TMTC2: variants seen among roughly 807,000 people sequenced by gnomAD.
TMTC2 encodes transmembrane O-mannosyltransferase targeting cadherins 2.
TMTC2 carries 43 observed loss-of-function variants against 82.4 expected under a neutral mutation model. The ratio of observed to expected loss-of-function variants is 0.52; its 90% confidence interval spans 0.41 to 0.67. The LOEUF (loss-of-function observed/expected upper bound fraction) is 0.67. Ranked by LOEUF, TMTC2 falls within the 30% of genes least tolerant of loss-of-function variation. The pLI, the probability that TMTC2 is intolerant of heterozygous loss-of-function variation, is 0.00. For synonymous variants in TMTC2, 408 were observed against 381.9 expected (o/e 1.07, Z -0.80); for missense variants, 919 against 1,012.4 (o/e 0.91, Z 1.25).
intron 3 of TMTC2, among the ~76,000 whole-genome samples, chr12:82,924,996 C>G (rs1485274993): frequency 6.6e-6 from 1 of 152,120 alleles, no homozygotes; most frequent in Non-Finnish European, 1.5e-5. Flanking sequence ...TGCAGCCACT[C>G]AACTGACTGG....
chr12:82,931,102 G>T, intron 4 of TMTC2, among the ~76,000 whole-genome samples: 1 of 151,996 alleles, frequency 6.6e-6, no homozygotes, highest in East Asian at 1.9e-4. Flanking sequence ...TAGAGATGTG[G>T]ACTCACTATA....
At chr12:83,032,858 GC>G (rs1192563702) in intron 9 of TMTC2, among the ~76,000 whole-genome samples, 2 of 152,118 alleles carry the variant, frequency 1.3e-5, no homozygotes, top group Non-Finnish European at 2.9e-5. Context: ...ACTGCGCCCA[GC>G]CTACAAACTT....
At chr12:82,856,057 T>C (rs1197344260) in intron 1 of TMTC2, among the ~76,000 whole-genome samples, 1 of 152,176 alleles carries the variant, frequency 6.6e-6, no homozygotes, top group Non-Finnish European at 1.5e-5. Context: ...AACCACAAAC[T>C]TTCTCACTTG....
At chr12:82,789,271 T>C (rs1305483760) in intron 1 of TMTC2, among the ~76,000 whole-genome samples, 1 of 152,082 alleles carries the variant, frequency 6.6e-6, no homozygotes, top group East Asian at 1.9e-4. Context: ...CATCTAGAAC[T>C]GTGTCAGGGG....
chr12:82,728,878 C>G (rs1386681809), intron 1 of TMTC2, among the ~76,000 whole-genome samples: 1 of 152,218 alleles, frequency 6.6e-6, no homozygotes, highest in Non-Finnish European at 1.5e-5. Flanking sequence ...CCAGCCAGCC[C>G]GCTGCACTGG....
At chr12:82,736,420 A>G (rs1410588590) in intron 1 of TMTC2, among the ~76,000 whole-genome samples, 2 of 152,178 alleles carry the variant, frequency 1.3e-5, no homozygotes, top group African/African-American at 2.4e-5. Flanking sequence ...TCATGTTCAT[A>G]TAGTAACACA....
At chr12:82,894,719 T>G (rs1880799406) in intron 2 of TMTC2, among the ~76,000 whole-genome samples, 1 of 152,206 alleles carries the variant, frequency 6.6e-6, no homozygotes, top group Admixed American at 6.5e-5. Flanking sequence ...AAAATTAGCC[T>G]TAACATGATG....
At chr12:82,865,934 G>A (rs1871826373) in intron 2 of TMTC2, among the ~76,000 whole-genome samples, 1 of 152,116 alleles carries the variant, frequency 6.6e-6, no homozygotes, top group Non-Finnish European at 1.5e-5. Flanking sequence ...CGAAATGAAG[G>A]CAGAAATAAA....
chr12:82,896,514 C>T lies in TMTC2; in HGVS notation c.1351C>T (p.Leu451Phe). 1 of 1,614,170 alleles carries T rather than the reference C, an allele frequency of 6.2e-7. No individual in the cohort carries two copies. The highest frequency in any genetic ancestry group is 8.5e-7 in the Non-Finnish European group (1 of 1,180,040). Residue 451 changes from leucine (L) to phenylalanine (F), a missense_variant, in exon 3 of 12, where the codon CTC (leucine) becomes TTC (phenylalanine). By Grantham distance (22) the Leu-to-Phe change is conservative (BLOSUM62 0). Coordinates refer to ENST00000321196, the MANE Select transcript of TMTC2 (RefSeq NM_152588.3). ...TTATGTCAAAGTCCAAAAGCGGTTC[C>T]TCAAGAGCTTGATTTTTTATGCTAC... Reference protein sequence around the residue: ...ALYVKVQKRFLKSLIFYATAT... With the variant: ...ALYVKVQKRFFKSLIFYATAT...
At chr12:82,916,382 A>C (rs1292320938) in intron 3 of TMTC2, among the ~76,000 whole-genome samples, 1 of 152,206 alleles carries the variant, frequency 6.6e-6, no homozygotes, top group Non-Finnish European at 1.5e-5. Context: ...GTTTGTCAGA[A>C]ACTGTGTAGA....
At chr12:83,110,740 G>A (rs1884572346) in intron 11 of TMTC2, among the ~76,000 whole-genome samples, 2 of 152,136 alleles carry the variant, frequency 1.3e-5, no homozygotes, top group African/African-American at 4.8e-5. Context: ...CACTTGGCTG[G>A]TTCTTCTCCA....
chr12:82,764,778 T>A (rs1201271737), intron 1 of TMTC2, among the ~76,000 whole-genome samples: 3 of 32,698 alleles, frequency 9.2e-5, no homozygotes, highest in African/African-American at 2.0e-4. Flanking sequence ...TACACAATTT[T>A]CATGTAAGAG....
intron 3 of TMTC2, among the ~76,000 whole-genome samples, chr12:82,916,414 A>T (rs1875002010): frequency 6.6e-6 from 1 of 151,982 alleles, no homozygotes; most frequent in African/African-American, 2.4e-5. Flanking sequence ...TTAGGGACAT[A>T]GGGCAAAATT....
chr12:83,114,652 A>G (rs7966283), intron 11 of TMTC2, among the ~76,000 whole-genome samples: 25,589 of 152,108 alleles, frequency 0.17, 2,696 homozygotes, highest in African/African-American at 0.3. Flanking sequence ...CTCTCAGTTG[A>G]TCTCCATCAG....
chr12:82,708,994 T>G (rs566403308), intron 1 of TMTC2, among the ~76,000 whole-genome samples: 4 of 152,212 alleles, frequency 2.6e-5, no homozygotes, highest in Non-Finnish European at 5.9e-5. Flanking sequence ...GCTTGGTTGT[T>G]GACAGACTCG....
At chr12:82,859,344 G>A (rs1871415048) in intron 2 of TMTC2, among the ~76,000 whole-genome samples, 1 of 152,156 alleles carries the variant, frequency 6.6e-6, no homozygotes, top group Non-Finnish European at 1.5e-5. Flanking sequence ...GGGATTACAG[G>A]TGTGAGCCAC....
intron 4 of TMTC2, among the ~76,000 whole-genome samples, chr12:82,950,484 A>G (rs1388561673): frequency 6.6e-6 from 1 of 152,224 alleles, no homozygotes; most frequent in Non-Finnish European, 1.5e-5. Flanking sequence ...AATAACAACT[A>G]GCTGCATAGA....
Position 82,937,748 on chromosome 12 carries a change from G to A in TMTC2, c.1598+7203G>A, listed in dbSNP as rs906692054. On this transcript the variant is annotated intron_variant, in intron 4 of 11. Coordinates refer to ENST00000321196, the MANE Select transcript of TMTC2 (RefSeq NM_152588.3). ...TGTGTGGATGTGTGTGTGTGTGTGT[G>A]TGTATATATATATATATATATATAT... Among the ~76,000 whole-genome samples the A allele has an allele frequency of 2.4e-3, 224 of 92,304 alleles. 6 individuals carry two copies. Among genetic ancestry groups the A allele is most frequent in the African/African-American group, 0.01 (200 of 19,688 alleles). 60.6% of individuals were successfully genotyped at this position (92,304 alleles called of 152,430 possible).
At chr12:82,773,503 C>G (rs1288900990) in intron 1 of TMTC2, among the ~76,000 whole-genome samples, 1 of 151,432 alleles carries the variant, frequency 6.6e-6, no homozygotes, top group Admixed American at 6.6e-5. Context: ...CTCTGTCACC[C>G]AGGCTGGAGT....
Sources: gnomAD v4.1 joint callset for allele counts (sites outside exome capture counted in the v4.1 genomes callset) on GRCh38, gnomAD v4.1.1 for gene constraint, MANE v1.5 for transcripts, NCBI Gene and HGNC (gene_info 2026-07-23, HGNC 2026-07-21) for gene names.